Variants in PDLIM5 observed in about 807,000 individuals in gnomAD.
PDLIM5 encodes the protein PDZ and LIM domain 5, also known as PDZ and LIM domain protein 5.
PDLIM5 carries 34 observed loss-of-function variants against 64.2 expected under a neutral mutation model. That is an observed-to-expected ratio of 0.53 (90% CI 0.40 to 0.71). The LOEUF is 0.71. Ranked by LOEUF, PDLIM5 falls within the 30% of genes least tolerant of loss-of-function variation. The probability of loss-of-function intolerance (pLI) is 0.00; values close to 1 mark genes in which losing one functional copy is unlikely to be tolerated. For missense variants in PDLIM5, 683 were observed against 733.6 expected (o/e 0.93, Z 0.80); for synonymous variants, 253 against 269.1 (o/e 0.94, Z 0.59).
intron 7 of PDLIM5, among the ~76,000 whole-genome samples, chr4:94,599,953 G>A (rs1270752698): frequency 6.6e-6 from 1 of 152,174 alleles, no homozygotes; most frequent in African/African-American, 2.4e-5. Flanking sequence ...ACAGTAATGG[G>A]TTTGTGAGGG....
chr4:94,453,421 G>C (rs1723040519), intron 1 of PDLIM5, among the ~76,000 whole-genome samples: 1 of 152,178 alleles, frequency 6.6e-6, no homozygotes, highest in African/African-American at 2.4e-5. Flanking sequence ...CTGTGACCTT[G>C]CCAGTGCTAG....
chr4:94,542,517 T>C (rs1731909968), intron 3 of PDLIM5, among the ~76,000 whole-genome samples: 1 of 152,154 alleles, frequency 6.6e-6, no homozygotes, highest in South Asian at 2.1e-4. Flanking sequence ...CATCTTACCT[T>C]CTAGGTAAGA....
At chr4:94,626,669 G>A (rs1255390355) in intron 8 of PDLIM5, among the ~76,000 whole-genome samples, 1 of 151,074 alleles carries the variant, frequency 6.6e-6, no homozygotes, top group African/African-American at 2.4e-5. Context: ...TAGTTAATGT[G>A]TTTTTCTTTT....
chr4:94,586,927 C>G, intron 7 of PDLIM5: 2 of 1,366,972 alleles, frequency 1.5e-6, no homozygotes, highest in Non-Finnish European at 2.0e-6. Context: ...GAACCTTTTT[C>G]CTTCTATTTC....
intron 2 of PDLIM5, among the ~76,000 whole-genome samples, chr4:94,487,583 C>T (rs866218563): frequency 2.0e-5 from 3 of 152,116 alleles, no homozygotes; most frequent in African/African-American, 4.8e-5. Context: ...TATATACATC[C>T]GAAAAGTCGC....
chr4:94,585,875 A>T, intron 6 of PDLIM5, 138 bp downstream of exon 6: 2 of 633,594 alleles, frequency 3.2e-6, no homozygotes, highest in African/African-American at 1.8e-5. Context: ...CATGGGTAAT[A>T]TAAATAAGAC....
At chr4:94,663,640 T>C (rs1050739134) in intron 12 of PDLIM5, among the ~76,000 whole-genome samples, 1 of 152,194 alleles carries the variant, frequency 6.6e-6, no homozygotes, top group Non-Finnish European at 1.5e-5. Context: ...GGACGTTGTT[T>C]ATAATTTGGG....
At chr4:94,484,084 A>T (rs1456181546) in intron 2 of PDLIM5, among the ~76,000 whole-genome samples, 1 of 152,188 alleles carries the variant, frequency 6.6e-6, no homozygotes, top group Non-Finnish European at 1.5e-5. Context: ...TGGTTTTACT[A>T]GCACGCTGTT....
chr4:94,466,021 G>T (rs114445404), intron 2 of PDLIM5, among the ~76,000 whole-genome samples: 1 of 151,946 alleles, frequency 6.6e-6, no homozygotes, highest in Admixed American at 6.6e-5. Flanking sequence ...GAGTGCAGTG[G>T]CACTGTCACA....
chr4:94,473,151 A>G (rs1725024065), intron 2 of PDLIM5, among the ~76,000 whole-genome samples: 1 of 152,242 alleles, frequency 6.6e-6, no homozygotes, highest in Non-Finnish European at 1.5e-5. Flanking sequence ...TTCAGGGCAA[A>G]GGGTAAAGAC....
intron 3 of PDLIM5, chr4:94,549,719 T>A (rs1732638096): frequency 6.6e-6 from 1 of 152,102 alleles, no homozygotes; most frequent in Non-Finnish European, 1.5e-5. Flanking sequence ...AGAGGGCAAT[T>A]TGGATAAAGT....
chr4:94,500,453 A>G (rs1000216918), intron 2 of PDLIM5, among the ~76,000 whole-genome samples: 1 of 152,184 alleles, frequency 6.6e-6, no homozygotes, highest in African/African-American at 2.4e-5. Context: ...TGGCCTCAGG[A>G]AAGTTTTATG....
intron 2 of PDLIM5, among the ~76,000 whole-genome samples, chr4:94,457,406 G>A (rs1259106563): frequency 6.6e-6 from 1 of 152,146 alleles, no homozygotes; most frequent in Non-Finnish European, 1.5e-5. Flanking sequence ...CTGTTTGAGT[G>A]AGTTGGTATT....
At chr4:94,507,117 G>A (rs532578084) in intron 2 of PDLIM5, among the ~76,000 whole-genome samples, 7 of 152,134 alleles carry the variant, frequency 4.6e-5, no homozygotes, top group South Asian at 2.1e-4. Context: ...TTTGAACTCC[G>A]ACTGAGCCAC....
chr4:94,505,913 T>C (rs917824910), intron 2 of PDLIM5, among the ~76,000 whole-genome samples: 4 of 152,178 alleles, frequency 2.6e-5, no homozygotes, highest in African/African-American at 7.2e-5. Context: ...TCATTGGCCA[T>C]TGGTGATCAA....
intron 11 of PDLIM5, among the ~76,000 whole-genome samples, chr4:94,661,783 G>A (rs1742738243): frequency 1.3e-5 from 2 of 151,358 alleles, no homozygotes; most frequent in South Asian, 4.2e-4. Flanking sequence ...TATTTCTTCA[G>A]AACAGTCATG....
chr4:94,471,701 A>C (rs1312783257), intron 2 of PDLIM5, among the ~76,000 whole-genome samples: 2 of 152,172 alleles, frequency 1.3e-5, no homozygotes, highest in East Asian at 3.9e-4. Context: ...CAGTGCCCCA[A>C]GTTCTTTACC....
At chr4:94,473,746 A>G (rs542685553) in intron 2 of PDLIM5, among the ~76,000 whole-genome samples, 17 of 152,254 alleles carry the variant, frequency 1.1e-4, no homozygotes, top group South Asian at 6.2e-4. Context: ...GCTGATTGCA[A>G]TGTTGTTTTA....
At chr4:94,549,513 A>G (rs34130465) in intron 3 of PDLIM5, among the ~76,000 whole-genome samples, 3 of 152,218 alleles carry the variant, frequency 2.0e-5, no homozygotes, top group Non-Finnish European at 4.4e-5. Flanking sequence ...CATTAAGAGC[A>G]AGCTAAATGT....
Sources: allele counts gnomAD v4.1 joint callset (sites outside exome capture counted in the v4.1 genomes callset), GRCh38; gene constraint gnomAD v4.1.1; transcripts MANE v1.5; gene names NCBI Gene and HGNC (gene_info 2026-07-23, HGNC 2026-07-21).